The following LAMA2 variants were observed in gnomAD, a reference collection of about 807,000 sequenced individuals.
LAMA2 encodes the protein laminin subunit alpha-2.
A neutral mutation model predicts 364.8 loss-of-function variants in LAMA2; 269 were observed. The observed-to-expected ratio is 0.74, with a 90% CI of 0.67 to 0.82. The LOEUF is 0.82. Ranked by LOEUF, LAMA2 falls within the 40% of genes least tolerant of loss-of-function variation. The pLI, the probability that LAMA2 is intolerant of heterozygous loss-of-function variation, is 0.00. For synonymous variants in LAMA2, 1,379 were observed against 1,370.6 expected (o/e 1.01, Z -0.14); for missense variants, 3,807 against 3,873.2 (o/e 0.98, Z 0.45).
At chr6:129,066,531 G>A (rs949732421) in intron 3 of LAMA2, among the ~76,000 whole-genome samples, 1 of 152,194 alleles carries the variant, frequency 6.6e-6, no homozygotes, top group Admixed American at 6.5e-5. Flanking sequence ...CACAGATTCA[G>A]TGCAATTCTT....
At chr6:129,046,552 C>T (rs9492209) in intron 1 of LAMA2, among the ~76,000 whole-genome samples, 50,300 of 152,024 alleles carry the variant, frequency 0.33, 9,717 homozygotes, top group African/African-American at 0.54. Context: ...CGTGTCCCTC[C>T]CACAACACAT....
At chr6:129,371,585 G>A (rs369060960) in intron 34 of LAMA2, among the ~76,000 whole-genome samples, 3 of 149,896 alleles carry the variant, frequency 2.0e-5, no homozygotes, top group Admixed American at 6.7e-5. Flanking sequence ...ATGATCTGAC[G>A]TTAGAGACAC....
intron 20 of LAMA2, among the ~76,000 whole-genome samples, chr6:129,296,709 T>G (rs1773207166): frequency 6.6e-6 from 1 of 152,118 alleles, no homozygotes; most frequent in Non-Finnish European, 1.5e-5. Flanking sequence ...TTTTCCAAAA[T>G]AAGAATTATT....
At chr6:128,984,554 G>A (rs1034235774) in intron 1 of LAMA2, among the ~76,000 whole-genome samples, 11 of 151,992 alleles carry the variant, frequency 7.2e-5, no homozygotes, top group East Asian at 1.9e-4. Context: ...AAAGAAAGTC[G>A]TGTCTTACCA....
intron 12 of LAMA2, among the ~76,000 whole-genome samples, chr6:129,208,415 C>T (rs985297180): frequency 6.6e-6 from 1 of 151,340 alleles, no homozygotes; most frequent in Non-Finnish European, 1.5e-5. Flanking sequence ...TGAGGTCAGG[C>T]ATTATTTTGT....
In LAMA2 at chr6:129,349,426, G is replaced by T. The variant is rs752285724; in HGVS notation, c.4523+42G>T. The stretch of plus-strand genomic sequence containing the variant: ...AACGTACAGAGTAATGATATGTAGG[G>T]ACTATATGGTAAAGGGTCACAATAG... On this transcript the variant is annotated intron_variant, in intron 31 of 64. Coordinates refer to ENST00000421865, the MANE Select transcript of LAMA2 (RefSeq NM_000426.4). 6 of 1,409,954 alleles carry T rather than the reference G, an allele frequency of 4.3e-6. No homozygotes were observed. The African/African-American group carries it at 8.5e-5, about 20-fold the overall frequency. 87.3% of individuals were successfully genotyped at this position (1,409,954 alleles called of 1,614,324 possible).
chr6:129,051,856 A>G (rs1281958700), intron 2 of LAMA2, among the ~76,000 whole-genome samples: 1 of 151,818 alleles, frequency 6.6e-6, no homozygotes, highest in Non-Finnish European at 1.5e-5. Context: ...TTTCATGAAG[A>G]ATATGAGAAA....
intron 3 of LAMA2, among the ~76,000 whole-genome samples, chr6:129,091,264 C>A (rs367965831): frequency 1.3e-5 from 2 of 152,004 alleles, no homozygotes; most frequent in Non-Finnish European, 2.9e-5. Flanking sequence ...TGATTTAAAC[C>A]CTTTTGAAAA....
intron 1 of LAMA2, among the ~76,000 whole-genome samples, chr6:128,888,849 T>C (rs1776291461): frequency 6.6e-6 from 1 of 152,224 alleles, no homozygotes; most frequent in Non-Finnish European, 1.5e-5. Context: ...GGTTTTTTTG[T>C]CTCAAATACG....
intron 31 of LAMA2, among the ~76,000 whole-genome samples, chr6:129,350,666 C>A (rs935390393): frequency 6.6e-6 from 1 of 152,172 alleles, no homozygotes; most frequent in African/African-American, 2.4e-5. Flanking sequence ...TTGCTAGATT[C>A]TCCTAGGAAC....
At chr6:129,271,204 T>G (rs1445514514) in intron 17 of LAMA2, among the ~76,000 whole-genome samples, 1 of 152,130 alleles carries the variant, frequency 6.6e-6, no homozygotes, top group Non-Finnish European at 1.5e-5. Context: ...ATGAAGGGAC[T>G]GATTTAACTG....
chr6:129,227,601 C>G (rs1034789876), intron 12 of LAMA2, among the ~76,000 whole-genome samples: 4 of 152,242 alleles, frequency 2.6e-5, no homozygotes, highest in Middle Eastern at 3.4e-3. Context: ...CACTCCAGAC[C>G]CTGTTTGCCT....
intron 29 of LAMA2, among the ~76,000 whole-genome samples, chr6:129,338,155 AT>A (rs1311498062): frequency 6.6e-6 from 1 of 152,202 alleles, no homozygotes. Flanking sequence ...TGAATCTCTT[AT>A]TTTTAGTAAT....
At chr6:129,440,287 C>A (rs996819208) in intron 42 of LAMA2, among the ~76,000 whole-genome samples, 3 of 151,700 alleles carry the variant, frequency 2.0e-5, no homozygotes, top group African/African-American at 7.3e-5. Context: ...CGTTTAAAAA[C>A]CTGAGTAACT....
intron 55 of LAMA2, among the ~76,000 whole-genome samples, chr6:129,483,632 C>T (rs981947454): frequency 6.6e-6 from 1 of 152,094 alleles, no homozygotes; most frequent in African/African-American, 2.4e-5. Flanking sequence ...ATCATGACAG[C>T]TTATTCTAAA....
At chr6:129,217,539 A>G (rs1051191582) in intron 12 of LAMA2, among the ~76,000 whole-genome samples, 1 of 152,188 alleles carries the variant, frequency 6.6e-6, no homozygotes, top group Non-Finnish European at 1.5e-5. Flanking sequence ...TTTCTCCTAT[A>G]AATAGTGCTT....
At chr6:129,399,399 G>A (rs547774465) in intron 37 of LAMA2, among the ~76,000 whole-genome samples, 8 of 152,330 alleles carry the variant, frequency 5.3e-5, no homozygotes, top group South Asian at 2.1e-4. Flanking sequence ...AATGGATTGA[G>A]ATTATGCATT....
At chr6:129,065,417 CA>C (rs1361124427) in intron 3 of LAMA2, among the ~76,000 whole-genome samples, 1 of 150,998 alleles carries the variant, frequency 6.6e-6, no homozygotes, top group Non-Finnish European at 1.5e-5. Context: ...AGAAATCAGG[CA>C]AAAAAAGAAA....
intron 6 of LAMA2, among the ~76,000 whole-genome samples, chr6:129,148,669 A>G (rs750542253): frequency 6.6e-6 from 1 of 152,000 alleles, no homozygotes; most frequent in Admixed American, 6.6e-5. Flanking sequence ...ATCGACCCCC[A>G]AAAAACACAT....
Sources: allele counts gnomAD v4.1 joint callset (sites outside exome capture counted in the v4.1 genomes callset), GRCh38; gene constraint gnomAD v4.1.1; transcripts MANE v1.5; gene names NCBI Gene and HGNC (gene_info 2026-07-23, HGNC 2026-07-21).